Variants in SPECC1 observed in about 807,000 individuals in gnomAD.
SPECC1 encodes the protein cytospin-B.
A neutral mutation model predicts 104.1 loss-of-function variants in SPECC1; 62 were observed. The ratio of observed to expected loss-of-function variants is 0.60; its 90% CI spans 0.49 to 0.74. SPECC1 has a LOEUF of 0.74. Ranked by LOEUF, SPECC1 falls within the 30% of genes least tolerant of loss-of-function variation. SPECC1 has a pLI of 0.00. For synonymous variants in SPECC1, 513 were observed against 501.6 expected (o/e 1.02, Z -0.30); for missense variants, 1,306 against 1,310.5 (o/e 1.00, Z 0.05).
At chr17:20,281,703 G>A (rs922534467) in intron 12 of SPECC1, among the ~76,000 whole-genome samples, 4 of 152,208 alleles carry the variant, frequency 2.6e-5, no homozygotes, top group African/African-American at 9.7e-5. Context: ...AGGAGGAGAG[G>A]AGCCAGCAGA....
chr17:20,104,614 G>A (rs1175486642), intron 2 of SPECC1, among the ~76,000 whole-genome samples: 2 of 151,598 alleles, frequency 1.3e-5, no homozygotes, highest in Non-Finnish European at 2.9e-5. Flanking sequence ...GTGGGGGCAC[G>A]TGCCTGTAAT....
In SPECC1 at chr17:20,154,021, CTT is replaced by C. The variant is rs1441083524; in HGVS notation, c.283+43460_283+43461del. On this transcript the variant is annotated intron_variant, in intron 3 of 14. Transcript: ENST00000395527. Reference sequence around the variant, plus strand: ...AGATTACAGAAATAAAACTGTGACTCTTGTCTTTGACACGCTAGTTTTGTGGC... The same window carrying C: ...AGATTACAGAAATAAAACTGTGACTCGTCTTTGACACGCTAGTTTTGTGGC... 5.3e-5 allele frequency among the ~76,000 whole-genome samples: 8 copies of C among 152,356 alleles called. No homozygotes were observed. In the South Asian group the frequency reaches 1.0e-3, roughly 20 times the overall value.
intron 3 of SPECC1, among the ~76,000 whole-genome samples, chr17:20,149,194 A>G (rs973831589): frequency 6.6e-6 from 1 of 152,200 alleles, no homozygotes; most frequent in African/African-American, 2.4e-5. Context: ...ACAAACAGAA[A>G]GGAGGCAACG....
chr17:20,142,490 TA>T (rs2030938155), intron 3 of SPECC1, among the ~76,000 whole-genome samples: 1 of 152,158 alleles, frequency 6.6e-6, no homozygotes, highest in South Asian at 2.1e-4. Flanking sequence ...AGGCCAGCCT[TA>T]AAAAGAAAGA....
At chr17:20,276,162 G>T (rs1341881268) in intron 12 of SPECC1, among the ~76,000 whole-genome samples, 1 of 151,788 alleles carries the variant, frequency 6.6e-6, no homozygotes, top group East Asian at 1.9e-4. Context: ...TGTTGCCCAG[G>T]CTAGAGTGTA....
intron 13 of SPECC1, among the ~76,000 whole-genome samples, chr17:20,300,524 A>G (rs960338786): frequency 2.0e-5 from 3 of 152,270 alleles, no homozygotes; most frequent in African/African-American, 7.2e-5. Flanking sequence ...CACTCCCTGC[A>G]GTCATCCAGA....
chr17:20,225,703 A>ATGATG (rs2038158269), intron 4 of SPECC1, among the ~76,000 whole-genome samples: 1 of 152,160 alleles, frequency 6.6e-6, no homozygotes, highest in African/African-American at 2.4e-5. Context: ...TTTCCTTGAT[A>ATGATG]TGATGTGTTA....
chr17:20,208,280 G>A (rs2151370286), intron 4 of SPECC1, among the ~76,000 whole-genome samples: 1 of 152,194 alleles, frequency 6.6e-6, no homozygotes, highest in Admixed American at 6.5e-5. Context: ...TATCACATAG[G>A]GTTTCTTGTA....
intron 3 of SPECC1, among the ~76,000 whole-genome samples, chr17:20,178,044 T>TGCC (rs1375269006): frequency 6.7e-6 from 1 of 149,158 alleles, no homozygotes. Context: ...TGAGGCAGGG[T>TGCC]CTGTCTTGCC....
chr17:20,194,061 T>TA (rs377537179), intron 3 of SPECC1, among the ~76,000 whole-genome samples: 33 of 152,366 alleles, frequency 2.2e-4, no homozygotes, highest in African/African-American at 7.5e-4. Flanking sequence ...CAAATTATGG[T>TA]AAGACTGATT....
At chr17:20,196,834 A>G (rs2036069632) in intron 3 of SPECC1, among the ~76,000 whole-genome samples, 1 of 152,186 alleles carries the variant, frequency 6.6e-6, no homozygotes, top group Non-Finnish European at 1.5e-5. Context: ...CATTTAACAA[A>G]CTTAATATCT....
chr17:20,068,511 G>GT (rs2046438109), intron 1 of SPECC1, among the ~76,000 whole-genome samples: 1 of 152,204 alleles, frequency 6.6e-6, no homozygotes, highest in African/African-American at 2.4e-5. Flanking sequence ...AAGGACTGGA[G>GT]TTACTGGGTC....
chr17:20,177,866 C>G (rs748331464), intron 3 of SPECC1, among the ~76,000 whole-genome samples: 51 of 152,002 alleles, frequency 3.4e-4, no homozygotes, highest in Non-Finnish European at 8.8e-5. Flanking sequence ...TGTGCCACCA[C>G]GCCCGGCTAA....
At chr17:20,157,059 TATTTGAATTTTAATTTGAATG>T (rs560379772) in intron 3 of SPECC1, among the ~76,000 whole-genome samples, 38 of 152,130 alleles carry the variant, frequency 2.5e-4, no homozygotes, top group African/African-American at 9.2e-4. Context: ...AAAGGCGTAA[TATTTGAATTTTAATTTGAATG>T]AGGACTTTGA....
At chr17:20,220,345 T>G (rs1042783226) in intron 4 of SPECC1, among the ~76,000 whole-genome samples, 1 of 152,174 alleles carries the variant, frequency 6.6e-6, no homozygotes, top group Admixed American at 6.5e-5. Flanking sequence ...TTCTTCCATT[T>G]CTGGTGTCAA....
chr17:20,259,456 C>A (rs1369585701), intron 11 of SPECC1, among the ~76,000 whole-genome samples: 1 of 152,024 alleles, frequency 6.6e-6, no homozygotes, highest in Non-Finnish European at 1.5e-5. Context: ...TAAACAATGG[C>A]AAGATATTTG....
intron 3 of SPECC1, among the ~76,000 whole-genome samples, chr17:20,119,786 G>A (rs2013441): frequency 0.29 from 44,195 of 151,994 alleles, 8,194 homozygotes; most frequent in Non-Finnish European, 0.41. Context: ...TATTTTACAT[G>A]CGTGAAAACG....
intron 3 of SPECC1, among the ~76,000 whole-genome samples, chr17:20,123,875 A>C (rs146582885): frequency 2.3e-4 from 35 of 152,302 alleles, no homozygotes; most frequent in African/African-American, 7.9e-4. Flanking sequence ...CCTTATTATC[A>C]TTCCCATTTT....
At chr17:20,205,968 C>G in intron 4 of SPECC1, 56 bp downstream of exon 4, 1 of 1,539,456 alleles carries the variant, frequency 6.5e-7, no homozygotes, top group Non-Finnish European at 8.7e-7. Context: ...CATTTCTGCC[C>G]TTAACCTCTA....
Sources: gnomAD v4.1 joint callset for allele counts (sites outside exome capture counted in the v4.1 genomes callset) on GRCh38, gnomAD v4.1.1 for gene constraint, MANE v1.5 for transcripts, NCBI Gene and HGNC (gene_info 2026-07-23, HGNC 2026-07-21) for gene names.